LRRC75B: variants seen among roughly 807,000 people sequenced by gnomAD.
LRRC75B encodes the protein leucine-rich repeat-containing protein 75B.
A neutral mutation model predicts 16.5 loss-of-function variants in LRRC75B; 20 were observed. The observed-to-expected ratio is 1.21, with a 90% CI of 0.85 to 1.76. The LOEUF (loss-of-function observed/expected upper bound fraction) is 1.76, where lower values mean the gene tolerates loss of function less well. Ranked by LOEUF, LRRC75B falls within the 40% of genes most tolerant of loss-of-function variation. The pLI is 0.00. For synonymous variants in LRRC75B, 199 were observed against 198.1 expected, an observed-to-expected ratio of 1.00 and a Z score of -0.04; for missense variants, 406 against 417.0, an observed-to-expected ratio of 0.97 and a Z score of 0.23.
At chr22:24,589,758 G>A in intron 2 of LRRC75B, 63 bp downstream of exon 2, 2 of 1,503,182 alleles carry the variant, frequency 1.3e-6, no homozygotes, top group Non-Finnish European at 1.8e-6. Context: ...CCCAGCCCTG[G>A]GCTCTGTTGG....
chr22:24,587,551 G>A (rs1274493411), intron 3 of LRRC75B, among the ~76,000 whole-genome samples: 2 of 152,092 alleles, frequency 1.3e-5, no homozygotes, highest in African/African-American at 2.4e-5. Context: ...AGGCCTGCTA[G>A]GGTAAGCTCC....
chr22:24,589,437 GC>G, intron 2 of LRRC75B: 1 of 932,416 alleles, frequency 1.1e-6, no homozygotes, highest in Non-Finnish European at 1.3e-6. Context: ...CTCTCTTCTG[GC>G]CCAGGAATTC....
Position 24,589,937 on chromosome 22 carries a change from C to T in LRRC75B, c.190G>A (p.Glu64Lys), listed in dbSNP as rs759106684. The T allele has an allele frequency of 1.2e-6, 2 of 1,602,318 alleles. No homozygotes were observed. Among genetic ancestry groups the T allele is most frequent in the Non-Finnish European group, 8.5e-7 (1 of 1,174,436 alleles). Residue 64 changes from glutamate to lysine, a missense_variant, in exon 2 of 4, where the codon GAG becomes AAG. Coordinates refer to ENST00000318753, the MANE Select transcript of LRRC75B (RefSeq NM_207644.3). ...AGGATATCAGGAAGGAGGGTCCTCT[C>T]AAGGCCCAGGTCCTGTGAGTGGTGA... ...LRLLRQDLGL[E>K]RTLLPDILYR... is the part of the protein sequence containing the mutation.
rs1453871483 is a variant in LRRC75B at position 24,592,962 on chromosome 22, C to A, written c.78G>T (p.Ala26=). 5 of 1,191,108 alleles carry A rather than the reference C, an allele frequency of 4.2e-6. No homozygotes were observed. Among genetic ancestry groups the A allele is most frequent in the Non-Finnish European group, 5.2e-6 (5 of 961,170 alleles). 73.8% of individuals were successfully genotyped at this position (1,191,108 alleles called of 1,614,324 possible). A position where few individuals can be genotyped will look rare whatever the true frequency, so the allele number is the denominator to read the frequency against. ...GCCACCGCACCCGGCGCTCGTAGGGCGCGGGCCCGCAGCCGGCCGCCGCCC... is the reference window on the plus strand; with the variant it reads ...GCCACCGCACCCGGCGCTCGTAGGGAGCGGGCCCGCAGCCGGCCGCCGCCC... ...EAGAAAGCGP[A]PYERRVRWLR... The change falls in exon 1 of 4, where the codon GCG becomes GCT. Residue 26 remains alanine, a synonymous_variant. Transcript: ENST00000318753.
rs2045453407 is a variant in LRRC75B at position 24,588,122 on chromosome 22, C to T, written c.422+92G>A. The stretch of plus-strand genomic sequence containing the variant: ...GTGAGGGCCTCACCAGGTGGGATTT[C>T]AGCACCAGCCTCTTGGTGAGAGTGC... On this transcript the variant is annotated intron_variant, in intron 3 of 3. Transcript: ENST00000318753. 14 of 1,023,398 alleles carry T rather than the reference C, an allele frequency of 1.4e-5. No homozygotes were observed. The East Asian group carries it at 3.5e-4, about 25-fold the overall frequency. 63.4% of individuals were successfully genotyped at this position (1,023,398 alleles called of 1,614,324 possible).
chr22:24,588,261 C>T lies in LRRC75B; in HGVS notation c.375G>A (p.Ser125=), dbSNP rs776835009. The change falls in exon 3 of 4, where the codon TCG becomes TCA. Residue 125 remains serine, a synonymous_variant. Coordinates refer to ENST00000318753, the MANE Select transcript of LRRC75B (RefSeq NM_207644.3). ...RQLIYHLTPH[S]KQQQGSSLRQ... is the part of the protein sequence containing the mutation. ...GCAGGCTGGACCCTTGCTGCTGCTT[C>T]GAGTGAGGGGTGAGGTGGTAGATGA... 8.1e-6 allele frequency: 13 copies of T among 1,613,552 alleles called. No individual in the cohort carries two copies. In the Admixed American group the frequency reaches 1.2e-4, roughly 14 times the overall value.
intron 2 of LRRC75B, chr22:24,589,500 C>T: frequency 1.9e-6 from 1 of 528,792 alleles, no homozygotes; most frequent in Non-Finnish European, 2.7e-6. Context: ...AGTCTGTGAC[C>T]CGCAGGGTCC....
intron 1 of LRRC75B, 86 bp downstream of exon 1, chr22:24,592,777 A>G: frequency 7.8e-7 from 1 of 1,275,722 alleles, no homozygotes. Flanking sequence ...ACAGGCCCAC[A>G]ACCCATAGCC....
At position 24,585,822 on chromosome 22, in the gene LRRC75B, T is replaced by C. The variant is rs1007733773; in HGVS notation, c.*64A>G. On this transcript the variant is annotated 3_prime_UTR_variant, in exon 4 of 4. Coordinates refer to ENST00000318753, the MANE Select transcript of LRRC75B (RefSeq NM_207644.3). ...GCCTGTGAGTCCTCCTTGACCTTCA[T>C]CGCCCACTATCATGTGCTTGAGAGC... 1.8e-5 allele frequency: 26 copies of C among 1,428,990 alleles called. No individual in the cohort carries two copies. Among genetic ancestry groups the C allele is most frequent in the Non-Finnish European group, 2.3e-5 (25 of 1,077,194 alleles). The allele number at this position is 1,428,990 out of a possible 1,614,324, so 88.5% of individuals were successfully genotyped here. A position where few individuals can be genotyped will look rare whatever the true frequency, so the allele number is the denominator to read the frequency against.
At chr22:24,590,877 C>T (rs774792851) in intron 1 of LRRC75B, among the ~76,000 whole-genome samples, 1 of 152,166 alleles carries the variant, frequency 6.6e-6, no homozygotes, top group Admixed American at 6.5e-5. Flanking sequence ...AGCACTCTTC[C>T]GTCCTCCTCT....
chr22:24,591,161 C>G (rs2045556599), intron 1 of LRRC75B, among the ~76,000 whole-genome samples: 1 of 152,238 alleles, frequency 6.6e-6, no homozygotes, highest in Non-Finnish European at 1.5e-5. Context: ...CTCACCGCAA[C>G]CTCCGCCTCC....
intron 3 of LRRC75B, 110 bp from the exon 4 acceptor site, chr22:24,586,521 G>C: frequency 2.6e-6 from 3 of 1,141,224 alleles, no homozygotes; most frequent in Non-Finnish European, 2.5e-6. Flanking sequence ...GGCAAAGCCA[G>C]ATTCAAACTG....
chr22:24,590,790 C>T (rs1446163149), intron 1 of LRRC75B, among the ~76,000 whole-genome samples: 3 of 152,152 alleles, frequency 2.0e-5, no homozygotes, highest in African/African-American at 4.8e-5. Context: ...AGCCTCACCA[C>T]CCATGCCCCA....
intron 2 of LRRC75B, 103 bp from the exon 3 acceptor site, chr22:24,588,432 T>A: frequency 1.1e-6 from 1 of 897,944 alleles, no homozygotes; most frequent in South Asian, 1.5e-5. Context: ...GTGAGCACAG[T>A]CATGCACCAT....
At chr22:24,590,564 C>A (rs1190286605) in intron 1 of LRRC75B, among the ~76,000 whole-genome samples, 2 of 152,114 alleles carry the variant, frequency 1.3e-5, no homozygotes, top group Non-Finnish European at 2.9e-5. Context: ...CAGTGGGATT[C>A]TTTGGGGTCT....
chr22:24,585,987 C>T lies in LRRC75B; in HGVS notation c.847G>A (p.Glu283Lys), dbSNP rs372840790. ...LPTIYEGLDL[E>K]PEGSAAGATT... ...GCCCCGGCCGCACTGCCCTCAGGCT[C>T]AAGGTCCAGGCCCTCGTAGATGGTG... Residue 283 changes from glutamate (E) to lysine (K), a missense_variant, in exon 4 of 4, where the codon GAG (glutamate) becomes AAG (lysine). By Grantham distance (56) the Glu-to-Lys change is moderately conservative (BLOSUM62 1). Coordinates refer to ENST00000318753, the MANE Select transcript of LRRC75B (RefSeq NM_207644.3). 12 of 1,610,568 alleles carry T rather than the reference C, an allele frequency of 7.5e-6. No homozygotes were observed. Among genetic ancestry groups the T allele is most frequent in the African/African-American group, 5.3e-5 (4 of 74,940 alleles).
rs559553917 is a variant in LRRC75B, at chr22:24,592,844, G to T, written c.177+19C>A. ...CCTCCCTGGCCGCCAGCCCAGGGGC[G>T]GACGGCTCCTTCTCTCGCCTGGCGC... On this transcript the variant is annotated intron_variant, in intron 1 of 3. Coordinates refer to ENST00000318753, the MANE Select transcript of LRRC75B (RefSeq NM_207644.3). 2.4e-5 allele frequency: 30 copies of T among 1,276,022 alleles called. No individual in the cohort carries two copies. The highest frequency in any genetic ancestry group is 2.9e-5 in the Non-Finnish European group (29 of 1,010,690). 79.0% of individuals were successfully genotyped at this position (1,276,022 alleles called of 1,614,324 possible).
chr22:24,589,765 T>C, intron 2 of LRRC75B, 56 bp downstream of exon 2: 2 of 1,519,906 alleles, frequency 1.3e-6, no homozygotes, highest in East Asian at 2.3e-5. Flanking sequence ...CTGGGCTCTG[T>C]TGGCCCCCCT....
At chr22:24,592,817 A>G in intron 1 of LRRC75B, 46 bp downstream of exon 1, 2 of 1,253,630 alleles carry the variant, frequency 1.6e-6, no homozygotes, top group Non-Finnish European at 2.0e-6. Context: ...AGACCCCCAG[A>G]CCCTCCCTGG....
Sources: gnomAD v4.1 joint callset for allele counts (sites outside exome capture counted in the v4.1 genomes callset) on GRCh38, gnomAD v4.1.1 for gene constraint, MANE v1.5 for transcripts, NCBI Gene and HGNC (gene_info 2026-07-23, HGNC 2026-07-21) for gene names.